FAM114A1: variants seen among roughly 807,000 people sequenced by gnomAD.
FAM114A1 encodes the protein protein NOXP20.
A neutral mutation model predicts 64.3 loss-of-function variants in FAM114A1; 62 were observed. The observed-to-expected ratio is 0.96, with a 90% confidence interval of 0.79 to 1.19. The LOEUF (loss-of-function observed/expected upper bound fraction) is 1.19, where lower values mean the gene tolerates loss of function less well. Ranked by LOEUF, FAM114A1 falls within the 50% of genes most tolerant of loss-of-function variation. The pLI, the probability that FAM114A1 is intolerant of heterozygous loss-of-function variation, is 0.00. For missense variants in FAM114A1, 645 were observed against 676.3 expected (o/e 0.95, Z 0.51); for synonymous variants, 254 against 251.1 (o/e 1.01, Z -0.11).
intron 2 of FAM114A1, among the ~76,000 whole-genome samples, chr4:38,875,188 TA>T (rs150173554): frequency 0.27 from 41,600 of 151,984 alleles, 6,038 homozygotes; most frequent in African/African-American, 0.31. Flanking sequence ...AATTTTAGAA[TA>T]TTTTTTTCTA....
chr4:38,872,558 G>T (rs540264460), intron 2 of FAM114A1, among the ~76,000 whole-genome samples: 2 of 152,060 alleles, frequency 1.3e-5, no homozygotes, highest in African/African-American at 2.4e-5. Flanking sequence ...ACCATCTACC[G>T]ATTTAAAAAA....
rs373918300 is a variant in FAM114A1 at position 38,932,234 on chromosome 4, G to A, written c.1324-1G>A. The A allele has an allele frequency of 2.2e-5, 35 of 1,589,914 alleles. No homozygotes were observed. The highest frequency in any genetic ancestry group is 3.0e-5 in the Non-Finnish European group (35 of 1,173,992). ...TTCTTGCTTGTGTCTATTCATTTCA[G>A]GAAGTATACATGTCGTCCATTGAAA... is the stretch of plus-strand genomic sequence containing the variant. On this transcript the variant is annotated splice_acceptor_variant, in intron 11 of 14. Coordinates refer to ENST00000358869, the MANE Select transcript of FAM114A1 (RefSeq NM_138389.4). LOFTEE classifies it high-confidence loss of function.
chr4:38,926,585 A>C (rs1323698458), intron 9 of FAM114A1, among the ~76,000 whole-genome samples: 1 of 151,728 alleles, frequency 6.6e-6, no homozygotes, highest in Non-Finnish European at 1.5e-5. Context: ...CCTCCCAAGT[A>C]GCTGGGATTA....
intron 2 of FAM114A1, among the ~76,000 whole-genome samples, chr4:38,873,975 A>G (rs185020180): frequency 1.3e-5 from 2 of 152,292 alleles, no homozygotes; most frequent in Admixed American, 1.3e-4. Context: ...CAATACTGAA[A>G]TAGTCATCAT....
chr4:38,913,110 TGTGACCTTGTG>T (rs1257604938), intron 7 of FAM114A1, among the ~76,000 whole-genome samples: 2 of 152,212 alleles, frequency 1.3e-5, no homozygotes, highest in Non-Finnish European at 2.9e-5. Context: ...TGTCTTCCCC[TGTGACCTTGTG>T]GTGGTGGCCA....
Position 38,901,580 on chromosome 4 carries a change from C to T in FAM114A1, c.437-3942C>T, listed in dbSNP as rs183927337. Among the ~76,000 whole-genome samples, 8 of 152,336 alleles carry T rather than the reference C, an allele frequency of 5.3e-5. No homozygotes were observed. The East Asian group carries it at 1.5e-3, about 29-fold the overall frequency. ...GTGCTGGGATTACAGGCATGAGCCA[C>T]CATGCCCGGTCCATCATATTCTTTT... On this transcript the variant is annotated intron_variant, in intron 4 of 14. Coordinates refer to ENST00000358869, the MANE Select transcript of FAM114A1 (RefSeq NM_138389.4).
chr4:38,890,316 T>A (rs990160648), intron 3 of FAM114A1, among the ~76,000 whole-genome samples: 5 of 149,648 alleles, frequency 3.3e-5, no homozygotes, highest in African/African-American at 1.2e-4. Context: ...GGCAGGAGAA[T>A]GGCGTGAACC....
intron 8 of FAM114A1, among the ~76,000 whole-genome samples, chr4:38,918,212 G>A (rs977376454): frequency 5.3e-5 from 8 of 152,236 alleles, no homozygotes; most frequent in Middle Eastern, 3.4e-3. Flanking sequence ...CAGCAAGAGC[G>A]AAACTCCGTC....
intron 8 of FAM114A1, among the ~76,000 whole-genome samples, chr4:38,915,321 C>G (rs929081035): frequency 2.0e-5 from 3 of 152,138 alleles, no homozygotes; most frequent in African/African-American, 4.8e-5. Context: ...ACTATCCCCC[C>G]ACCTCATGGT....
intron 2 of FAM114A1, among the ~76,000 whole-genome samples, chr4:38,869,598 G>C (rs1713819596): frequency 6.6e-6 from 1 of 152,170 alleles, no homozygotes; most frequent in Admixed American, 6.5e-5. Flanking sequence ...AGAATAGGCT[G>C]GAGCCTGGGT....
chr4:38,900,797 G>T (rs1579335973), intron 4 of FAM114A1, among the ~76,000 whole-genome samples: 1 of 152,146 alleles, frequency 6.6e-6, no homozygotes, highest in East Asian at 1.9e-4. Flanking sequence ...TGTTTAAATG[G>T]GTATAGAGTT....
chr4:38,920,910 G>A (rs575938078), intron 8 of FAM114A1, among the ~76,000 whole-genome samples: 89 of 152,308 alleles, frequency 5.8e-4, no homozygotes, highest in African/African-American at 2.1e-3. Flanking sequence ...GTTTTGTGTT[G>A]ATGACTTCCT....
rs145081133 is a variant in FAM114A1, at chr4:38,877,382, A to C, written c.-8-689A>C. ...TGGGGATGATGGGAGACAGATCATC[A>C]GGCATTAGATTCTCATAAGGAGTGC... On this transcript the variant is annotated intron_variant, in intron 2 of 14. Transcript: ENST00000358869. Among the ~76,000 whole-genome samples, 422 of 152,290 alleles carry C rather than the reference A, an allele frequency of 2.8e-3. 8 individuals carry two copies. The East Asian group carries it at 0.05, about 18-fold the overall frequency.
intron 3 of FAM114A1, among the ~76,000 whole-genome samples, chr4:38,887,871 C>T (rs1715967253): frequency 6.6e-6 from 1 of 152,150 alleles, no homozygotes. Context: ...TACTGACCCC[C>T]TTTTTAGCGT....
At position 38,908,606 on chromosome 4, in the gene FAM114A1, A is replaced by G. The variant is rs766129912; in HGVS notation, c.672A>G (p.Leu224=). 1 of 1,612,538 alleles carries G rather than the reference A, an allele frequency of 6.2e-7. No individual in the cohort carries two copies. Among genetic ancestry groups the G allele is most frequent in the Non-Finnish European group, 8.5e-7 (1 of 1,178,830 alleles). ...CTCATCTGCAGGGTAAAAGTGTCTT[A>G]ACTGGAGGCCTTGATGCGTTGGAAT... ...NVVQNTGKSV[L]TGGLDALEFI... Residue 224 remains leucine, a synonymous_variant, in exon 7 of 15, where the codon TTA becomes TTG. Coordinates refer to ENST00000358869, the MANE Select transcript of FAM114A1 (RefSeq NM_138389.4).
chr4:38,896,455 C>G (rs1196270684), intron 4 of FAM114A1, among the ~76,000 whole-genome samples: 1 of 152,120 alleles, frequency 6.6e-6, no homozygotes, highest in Non-Finnish European at 1.5e-5. Flanking sequence ...AAGCATGTAG[C>G]CTAACAGGAG....
intron 9 of FAM114A1, among the ~76,000 whole-genome samples, chr4:38,926,937 C>T (rs1720162764): frequency 1.0e-5 from 1 of 100,180 alleles, no homozygotes; most frequent in Non-Finnish European, 2.6e-5. Flanking sequence ...CCCCTTAGAG[C>T]ACTTACCTCT....
At chr4:38,943,339 A>G in intron 14 of FAM114A1, 117 bp from the exon 15 acceptor site, 1 of 799,658 alleles carries the variant, frequency 1.3e-6, no homozygotes, top group South Asian at 1.6e-5. Context: ...ATATTGCAAG[A>G]TAAATATAAT....
intron 4 of FAM114A1, among the ~76,000 whole-genome samples, chr4:38,902,507 G>A (rs1225386955): frequency 6.6e-6 from 1 of 152,140 alleles, no homozygotes; most frequent in Non-Finnish European, 1.5e-5. Context: ...TGACTCCTAA[G>A]TTTAAGGTAT....
Sources: gnomAD v4.1 joint callset for allele counts (sites outside exome capture counted in the v4.1 genomes callset) on GRCh38, gnomAD v4.1.1 for gene constraint, MANE v1.5 for transcripts, NCBI Gene and HGNC (gene_info 2026-07-23, HGNC 2026-07-21) for gene names.